IGFBP7: variants seen among roughly 807,000 people sequenced by gnomAD.
The protein encoded by IGFBP7 is insulin-like growth factor-binding protein 7.
Under a neutral mutation model 29.4 loss-of-function variants are expected in IGFBP7, and 31 were observed. That is an observed-to-expected ratio of 1.05 (90% CI 0.79 to 1.42). IGFBP7 has a LOEUF of 1.42. Ranked by LOEUF, IGFBP7 falls within the 40% of genes most tolerant of loss-of-function variation. The pLI, the probability that IGFBP7 is intolerant of heterozygous loss-of-function variation, is 0.00. For missense variants in IGFBP7, 393 were observed against 395.5 expected (o/e 0.99, Z 0.05); for synonymous variants, 172 against 174.9 (o/e 0.98, Z 0.13).
At chr4:57,088,606 G>A (rs1003382312) in intron 1 of IGFBP7, among the ~76,000 whole-genome samples, 3 of 152,122 alleles carry the variant, frequency 2.0e-5, no homozygotes, top group Admixed American at 6.5e-5. Context: ...TAAAAGCAAC[G>A]GCCAGATTGA....
chr4:57,043,526 A>T (rs1724282227), intron 1 of IGFBP7, among the ~76,000 whole-genome samples: 1 of 152,220 alleles, frequency 6.6e-6, no homozygotes, highest in African/African-American at 2.4e-5. Flanking sequence ...CTTGAAACAG[A>T]AAGGAAATGA....
chr4:57,059,042 G>C (rs1200843004), intron 1 of IGFBP7, among the ~76,000 whole-genome samples: 3 of 152,154 alleles, frequency 2.0e-5, no homozygotes, highest in African/African-American at 7.2e-5. Flanking sequence ...AAACCACAAT[G>C]AGATACCATC....
intron 1 of IGFBP7, among the ~76,000 whole-genome samples, chr4:57,099,207 A>T (rs1038466418): frequency 1.3e-5 from 2 of 152,210 alleles, no homozygotes; most frequent in Admixed American, 1.3e-4. Context: ...CAAGAAAAAC[A>T]ACATGAAAGA....
chr4:57,031,115 ATGCT>A lies in IGFBP7; in HGVS notation c.*198_*201del, dbSNP rs1330807366. 4 of 723,636 alleles carry A rather than the reference ATGCT, an allele frequency of 5.5e-6. No individual in the cohort carries two copies. In the African/African-American group the frequency reaches 7.2e-5, roughly 13 times the overall value. 44.8% of individuals were successfully genotyped at this position (723,636 alleles called of 1,614,324 possible). ...GTATTTTATTTGTTTAATGATATGC[ATGCT>A]TTTCTTCTGTAAATATATAATAAAT... On this transcript the variant is annotated 3_prime_UTR_variant, in exon 5 of 5. Transcript: ENST00000295666.
chr4:57,082,342 C>T (rs4865177), intron 1 of IGFBP7, among the ~76,000 whole-genome samples: 5,218 of 152,202 alleles, frequency 0.034, 124 homozygotes, highest in South Asian at 0.073. Context: ...GGTCCCAAAT[C>T]GCGGTCTCAG....
intron 1 of IGFBP7, among the ~76,000 whole-genome samples, chr4:57,081,382 C>T (rs1725363547): frequency 6.6e-6 from 1 of 152,016 alleles, no homozygotes; most frequent in South Asian, 2.1e-4. Flanking sequence ...GATTTACCCC[C>T]CACCAGCCCC....
chr4:57,091,887 A>G (rs1242117969), intron 1 of IGFBP7, among the ~76,000 whole-genome samples: 3 of 152,230 alleles, frequency 2.0e-5, no homozygotes, highest in Non-Finnish European at 4.4e-5. Context: ...TCTAGTTTTA[A>G]TAAGTGGAGC....
chr4:57,045,748 T>A (rs1724343256), intron 1 of IGFBP7, among the ~76,000 whole-genome samples: 1 of 151,568 alleles, frequency 6.6e-6, no homozygotes, highest in East Asian at 1.9e-4. Flanking sequence ...TTTTTTTTTT[T>A]AGATGGAGTT....
chr4:57,047,278 C>G lies in IGFBP7; in HGVS notation c.476-6345G>C, dbSNP rs191286622. ...GGGCAGTTCCCCTGCACATGCTGTC[C>G]TGCCTGCTGCCATGTAAGATGTGAC... is the stretch of plus-strand genomic sequence containing the variant. On this transcript the variant is annotated intron_variant, in intron 1 of 4. Coordinates refer to ENST00000295666, the MANE Select transcript of IGFBP7 (RefSeq NM_001553.3). 1.6e-4 allele frequency among the ~76,000 whole-genome samples: 24 copies of G among 152,320 alleles called. No homozygotes were observed. In the East Asian group the frequency reaches 3.7e-3, roughly 23 times the overall value.
intron 1 of IGFBP7, among the ~76,000 whole-genome samples, chr4:57,107,560 T>C (rs1726063673): frequency 6.6e-6 from 1 of 152,240 alleles, no homozygotes; most frequent in African/African-American, 2.4e-5. Flanking sequence ...TTGTCTCTGC[T>C]GTGGAAAGTT....
At chr4:57,066,836 T>C (rs1187612210) in intron 1 of IGFBP7, among the ~76,000 whole-genome samples, 3 of 152,092 alleles carry the variant, frequency 2.0e-5, no homozygotes, top group African/African-American at 4.8e-5. Flanking sequence ...GTGCTGGGAT[T>C]ACAGACATGA....
At chr4:57,032,574 G>T (rs375827792) in intron 3 of IGFBP7, 22 bp from the exon 4 acceptor site, 142 of 1,566,508 alleles carry the variant, frequency 9.1e-5, no homozygotes, top group Middle Eastern at 1.7e-4. Flanking sequence ...AAAAGATCTA[G>T]TATTCCTCTG....
intron 2 of IGFBP7, among the ~76,000 whole-genome samples, chr4:57,039,346 G>T (rs994296104): frequency 1.3e-5 from 2 of 152,110 alleles, no homozygotes; most frequent in Admixed American, 6.6e-5. Flanking sequence ...CTTTTATAAG[G>T]TAGAGAACAG....
chr4:57,073,892 A>G (rs1047110117), intron 1 of IGFBP7, among the ~76,000 whole-genome samples: 1 of 152,268 alleles, frequency 6.6e-6, no homozygotes, highest in South Asian at 2.1e-4. Context: ...CATAATCTCT[A>G]TCGCACAAAG....
At chr4:57,091,246 T>G (rs551007226) in intron 1 of IGFBP7, among the ~76,000 whole-genome samples, 1 of 152,288 alleles carries the variant, frequency 6.6e-6, no homozygotes, top group East Asian at 1.9e-4. Context: ...TGCAGAGTAT[T>G]AACTATGCAG....
intron 1 of IGFBP7, among the ~76,000 whole-genome samples, chr4:57,102,370 T>A (rs1398799263): frequency 6.6e-6 from 1 of 152,142 alleles, no homozygotes; most frequent in Non-Finnish European, 1.5e-5. Flanking sequence ...AGCTGTATAG[T>A]TTAAGAGATT....
intron 1 of IGFBP7, among the ~76,000 whole-genome samples, chr4:57,048,121 G>A (rs973772603): frequency 4.1e-5 from 6 of 147,716 alleles, no homozygotes; most frequent in Non-Finnish European, 7.4e-5. Context: ...GTGCCATCTC[G>A]GCTCACTGCA....
At chr4:57,056,262 T>C (rs1219693768) in intron 1 of IGFBP7, among the ~76,000 whole-genome samples, 2 of 152,218 alleles carry the variant, frequency 1.3e-5, no homozygotes, top group African/African-American at 4.8e-5. Context: ...CTCAGCTTCC[T>C]AGCAGGATTT....
intron 1 of IGFBP7, among the ~76,000 whole-genome samples, chr4:57,090,982 T>C (rs1210748039): frequency 6.6e-6 from 1 of 152,242 alleles, no homozygotes; most frequent in Non-Finnish European, 1.5e-5. Context: ...ATCCAGGCCA[T>C]GTGTATTCTT....
Sources: allele counts gnomAD v4.1 joint callset (sites outside exome capture counted in the v4.1 genomes callset), GRCh38; gene constraint gnomAD v4.1.1; transcripts MANE v1.5; gene names NCBI Gene and HGNC (gene_info 2026-07-23, HGNC 2026-07-21).